DSG2: variants seen among roughly 807,000 people sequenced by gnomAD.
DSG2 encodes the protein desmoglein 2.
A neutral mutation model predicts 75.6 loss-of-function variants in DSG2; 45 were observed. That is an observed-to-expected ratio of 0.60 (90% CI 0.47 to 0.76). The LOEUF is 0.76. Among genes scored for constraint, DSG2 ranks in the 30% least tolerant of loss-of-function variants. The pLI is 0.00. For synonymous variants in DSG2, 429 were observed against 483.9 expected, an observed-to-expected ratio of 0.89 and a Z score of 1.49; for missense variants, 1,267 against 1,357.4, an observed-to-expected ratio of 0.93 and a Z score of 1.05.
intron 9 of DSG2, among the ~76,000 whole-genome samples, chr18:31,534,136 C>T (rs528047349): frequency 6.6e-6 from 1 of 151,896 alleles, no homozygotes. Context: ...TACAGGTGCC[C>T]ACCACCACAC....
chr18:31,527,689 C>T (rs768263399), intron 8 of DSG2, among the ~76,000 whole-genome samples: 17 of 152,182 alleles, frequency 1.1e-4, no homozygotes, highest in Non-Finnish European at 4.4e-5. Flanking sequence ...ATAAGAGATA[C>T]CACTTTACCT....
At chr18:31,535,560 C>A in intron 10 of DSG2, 148 bp downstream of exon 10, 1 of 680,116 alleles carries the variant, frequency 1.5e-6, no homozygotes, top group Non-Finnish European at 2.5e-6. Flanking sequence ...CTTTGGGAGG[C>A]CAAGGCAGGT....
chr18:31,529,561 G>T (rs946863590), intron 8 of DSG2, among the ~76,000 whole-genome samples: 1 of 152,020 alleles, frequency 6.6e-6, no homozygotes, highest in Non-Finnish European at 1.5e-5. Flanking sequence ...ATTTTTAAAG[G>T]GTGCAGAAGT....
At chr18:31,508,447 G>A (rs912404143) in intron 1 of DSG2, among the ~76,000 whole-genome samples, 3 of 151,832 alleles carry the variant, frequency 2.0e-5, no homozygotes, top group African/African-American at 7.3e-5. Flanking sequence ...AGGCTGGAGT[G>A]CAGTGGCGCC....
chr18:31,537,186 C>G lies in DSG2; in HGVS notation c.1651+757C>G, dbSNP rs16962072. Among the ~76,000 whole-genome samples the G allele has an allele frequency of 6.5e-3, 989 of 152,126 alleles. 16 individuals carry two copies. Among genetic ancestry groups the G allele is most frequent in the African/African-American group, 0.023 (936 of 41,490 alleles). On this transcript the variant is annotated intron_variant, in intron 11 of 14. Transcript: ENST00000261590. Reference sequence around the variant, plus strand: ...AATTTACAGCTTTATTGTGTTAAGTCTAGCAAATGTTTGAAATCATTTTAA... The same window carrying G: ...AATTTACAGCTTTATTGTGTTAAGTGTAGCAAATGTTTGAAATCATTTTAA...
At chr18:31,538,383 C>T (rs1034247248) in intron 11 of DSG2, among the ~76,000 whole-genome samples, 2 of 150,306 alleles carry the variant, frequency 1.3e-5, no homozygotes, top group Non-Finnish European at 3.0e-5. Context: ...TGAAAAATTG[C>T]CTTAATGAAG....
At chr18:31,506,813 C>T (rs1299025162) in intron 1 of DSG2, among the ~76,000 whole-genome samples, 2 of 152,088 alleles carry the variant, frequency 1.3e-5, no homozygotes, top group Non-Finnish European at 2.9e-5. Flanking sequence ...TTTTACATGT[C>T]TAGTCATTTA....
At chr18:31,501,434 C>A (rs964245242) in intron 1 of DSG2, among the ~76,000 whole-genome samples, 2 of 152,224 alleles carry the variant, frequency 1.3e-5, no homozygotes, top group African/African-American at 2.4e-5. Context: ...GTGCTAAAAA[C>A]TGAGTGGCTT....
At chr18:31,512,641 C>A (rs2073073246) in intron 1 of DSG2, among the ~76,000 whole-genome samples, 1 of 152,230 alleles carries the variant, frequency 6.6e-6, no homozygotes, top group Non-Finnish European at 1.5e-5. Flanking sequence ...ACTGGCCTAT[C>A]CCTGTGACAT....
intron 1 of DSG2, among the ~76,000 whole-genome samples, chr18:31,504,551 G>A (rs980989400): frequency 6.7e-6 from 1 of 148,220 alleles, no homozygotes; most frequent in Non-Finnish European, 1.5e-5. Flanking sequence ...GGCCTAGCAC[G>A]ATGGGCAGAC....
Position 31,546,356 on chromosome 18 carries a change from A to C in DSG2, c.2970A>C (p.Arg990Ser), listed in dbSNP as rs1380500504. 6.2e-7 allele frequency: 1 copy of C among 1,613,764 alleles called. No individual in the cohort carries two copies. The highest frequency in any genetic ancestry group is 8.5e-7 in the Non-Finnish European group (1 of 1,179,768). Reference protein sequence around the residue: ...ANEGTVVVTERVIQPHGGGSN... With the variant: ...ANEGTVVVTESVIQPHGGGSN... ...AAGGTACAGTTGTGGTCACTGAAAG[A>C]GTAATACAGCCTCATGGGGGTGGAT... Residue 990 changes from arginine to serine, a missense_variant, in exon 15 of 15, where the codon AGA (arginine) becomes AGC (serine). Physicochemically the swap from Arg to Ser is moderately radical, Grantham distance 110. Transcript: ENST00000261590.
chr18:31,546,005 AAC>A lies in DSG2; in HGVS notation c.2620_2621del (p.Thr874TyrfsTer3). The A allele has an allele frequency of 6.2e-7, 1 of 1,614,188 alleles. No individual in the cohort carries two copies. The highest frequency in any genetic ancestry group is 8.5e-7 in the Non-Finnish European group (1 of 1,180,036). ...NTASHSLCEQTMVNSENTYSS... is the reference protein window; with the variant it reads ...NTASHSLCEQXMVNSENTYSS... Reference sequence around the variant, plus strand: ...CAGCTTCACATTCACTCTGTGAGCAAACTATGGTTAATTCAGAGAATACCTAC... The same window carrying A: ...CAGCTTCACATTCACTCTGTGAGCAATATGGTTAATTCAGAGAATACCTAC... On this transcript the variant is annotated frameshift_variant, in exon 15 of 15. Transcript: ENST00000261590. LOFTEE classifies it low-confidence loss of function (END_TRUNC).
chr18:31,539,922 C>A (rs768673563), intron 12 of DSG2, among the ~76,000 whole-genome samples: 1 of 152,140 alleles, frequency 6.6e-6, no homozygotes, highest in Non-Finnish European at 1.5e-5. Flanking sequence ...GGAGCTCAAA[C>A]TCTATCGTGA....
At chr18:31,502,384 A>C (rs2073018040) in intron 1 of DSG2, among the ~76,000 whole-genome samples, 1 of 152,260 alleles carries the variant, frequency 6.6e-6, no homozygotes, top group African/African-American at 2.4e-5. Context: ...TGACATAGAA[A>C]AATTTACATG....
At chr18:31,510,521 A>T (rs2073060999) in intron 1 of DSG2, among the ~76,000 whole-genome samples, 1 of 152,170 alleles carries the variant, frequency 6.6e-6, no homozygotes, top group South Asian at 2.1e-4. Flanking sequence ...GTCTTTTCTA[A>T]AAGTGCTGAC....
At position 31,547,851 on chromosome 18, in the gene DSG2, A is replaced by G. The variant is rs908104723; in HGVS notation, c.*1108A>G. On this transcript the variant is annotated 3_prime_UTR_variant, in exon 15 of 15. Coordinates refer to ENST00000261590, the MANE Select transcript of DSG2 (RefSeq NM_001943.5). ...ACTTTAAAAAGCCTCAGGGTATATT[A>G]TCTTCTAAACAGCTACAATTCAGTG... The G allele has an allele frequency of 2.6e-5, 4 of 152,172 alleles. No homozygotes were observed. Among genetic ancestry groups the G allele is most frequent in the African/African-American group, 4.8e-5 (2 of 41,446 alleles). 9.4% of individuals were successfully genotyped at this position (152,172 alleles called of 1,614,324 possible). A position where few individuals can be genotyped will look rare whatever the true frequency, so the allele number is the denominator to read the frequency against.
At chr18:31,499,375 T>C (rs1010439650) in intron 1 of DSG2, among the ~76,000 whole-genome samples, 4 of 151,982 alleles carry the variant, frequency 2.6e-5, no homozygotes, top group East Asian at 1.9e-4. Flanking sequence ...TGTGTGTGTG[T>C]GTGTGTGTGT....
At chr18:31,535,110 GC>G (rs2073221075) in intron 9 of DSG2, among the ~76,000 whole-genome samples, 159 bp from the exon 10 acceptor site, 2 of 152,268 alleles carry the variant, frequency 1.3e-5, no homozygotes, top group Admixed American at 1.3e-4. Flanking sequence ...AAAGAGAGGG[GC>G]TTTTAGGATG....
At chr18:31,532,547 C>T (rs932492977) in intron 9 of DSG2, among the ~76,000 whole-genome samples, 7 of 152,156 alleles carry the variant, frequency 4.6e-5, no homozygotes, top group Non-Finnish European at 1.0e-4. Context: ...CCTCAGCAAC[C>T]TTTTTCCTTT....
Sources: allele counts gnomAD v4.1 joint callset (sites outside exome capture counted in the v4.1 genomes callset), GRCh38; gene constraint gnomAD v4.1.1; transcripts MANE v1.5; gene names NCBI Gene and HGNC (gene_info 2026-07-23, HGNC 2026-07-21).